HSD17B4: variants seen among roughly 807,000 people sequenced by gnomAD.
The protein encoded by HSD17B4 is peroxisomal multifunctional enzyme type 2.
A neutral mutation model predicts 101.0 loss-of-function variants in HSD17B4; 70 were observed. That is an observed-to-expected ratio of 0.69 (90% CI 0.57 to 0.85). The LOEUF (loss-of-function observed/expected upper bound fraction) is 0.85, where lower values mean the gene tolerates loss of function less well. Ranked by LOEUF, HSD17B4 falls within the 40% of genes least tolerant of loss-of-function variation. The pLI, the probability that HSD17B4 is intolerant of heterozygous loss-of-function variation, is 0.00. For missense variants in HSD17B4, 984 were observed against 892.4 expected (o/e 1.10, Z -1.31); for synonymous variants, 347 against 297.1 (o/e 1.17, Z -1.73).
chr5:119,452,677 A>G (rs1195729092), intron 1 of HSD17B4, 44 bp downstream of exon 1: 2 of 1,612,482 alleles, frequency 1.2e-6, no homozygotes, highest in Non-Finnish European at 8.5e-7. Context: ...GCTGAGGCGC[A>G]GCTGGCTGCT....
chr5:119,460,646 G>A (rs541951476), intron 2 of HSD17B4, among the ~76,000 whole-genome samples: 31 of 152,248 alleles, frequency 2.0e-4, no homozygotes, highest in African/African-American at 4.8e-4. Flanking sequence ...TTTATTAAGC[G>A]TCTATTATGT....
At chr5:119,482,745 A>T (rs1017845527) in intron 8 of HSD17B4, among the ~76,000 whole-genome samples, 1 of 151,960 alleles carries the variant, frequency 6.6e-6, no homozygotes, top group African/African-American at 2.4e-5. Context: ...TGTATCTTGC[A>T]GCTCTCACTT....
In HSD17B4 at chr5:119,452,785, G is replaced by T. The variant is rs755416119; in HGVS notation, c.58+152G>T. 4 of 1,549,592 alleles carry T rather than the reference G, an allele frequency of 2.6e-6. No individual in the cohort carries two copies. The Admixed American group carries it at 7.8e-5, about 30-fold the overall frequency. On this transcript the variant is annotated intron_variant, in intron 1 of 23. Coordinates refer to ENST00000510025, the MANE Select transcript of HSD17B4 (RefSeq NM_000414.4). ...ATTCTTGAGGCACCGCATCTCTTGA[G>T]GAGGAAAGAGCCGGAAACACCTGGT... is the stretch of plus-strand genomic sequence containing the variant.
At chr5:119,506,646 GTTC>G (rs1326028492) in intron 14 of HSD17B4, among the ~76,000 whole-genome samples, 169 bp from the exon 15 acceptor site, 12 of 152,184 alleles carry the variant, frequency 7.9e-5, no homozygotes, top group African/African-American at 2.9e-4. Context: ...GTGTAAAAGC[GTTC>G]TTATTTCTCC....
In HSD17B4 at chr5:119,502,079, A is replaced by G. The variant is rs760174390; in HGVS notation, c.1248A>G (p.Pro416=). 2 of 1,602,288 alleles carry G rather than the reference A, an allele frequency of 1.2e-6. No individual in the cohort carries two copies. The highest frequency in any genetic ancestry group is 1.7e-6 in the Non-Finnish European group (2 of 1,169,458). Residue 416 remains proline, a synonymous_variant, in exon 14 of 24, where the codon CCA becomes CCG. Coordinates refer to ENST00000510025, the MANE Select transcript of HSD17B4 (RefSeq NM_000414.4). ...HGEQYLELYK[P]LPRAGKLKCE... ...AGCAGTACTTAGAGTTATATAAACC[A>G]CTTCCCAGAGCAGGTGAGTTATTGA...
chr5:119,476,637 T>C, intron 6 of HSD17B4: 1 of 985,092 alleles, frequency 1.0e-6, no homozygotes, highest in Non-Finnish European at 1.2e-6. Flanking sequence ...TTGTAACAAC[T>C]GGGGTAAAAA....
At chr5:119,499,147 T>C (rs1432781608) in intron 12 of HSD17B4, among the ~76,000 whole-genome samples, 170 bp from the exon 13 acceptor site, 2 of 152,182 alleles carry the variant, frequency 1.3e-5, no homozygotes, top group African/African-American at 2.4e-5. Context: ...TTTCTACACA[T>C]TACCTAATTA....
At chr5:119,490,673 ATTC>A (rs1214563565) in intron 9 of HSD17B4, among the ~76,000 whole-genome samples, 11 of 152,028 alleles carry the variant, frequency 7.2e-5, no homozygotes, top group Non-Finnish European at 1.6e-4. Context: ...GACTCAAGTG[ATTC>A]TCCTGCCTTA....
intron 2 of HSD17B4, among the ~76,000 whole-genome samples, chr5:119,465,074 G>A (rs1175302145): frequency 6.6e-6 from 1 of 151,470 alleles, no homozygotes; most frequent in Non-Finnish European, 1.5e-5. Context: ...GTTGTCTAGT[G>A]GCTAGGAACA....
intron 12 of HSD17B4, among the ~76,000 whole-genome samples, 167 bp from the exon 13 acceptor site, chr5:119,499,150 C>T (rs1750918773): frequency 6.6e-6 from 1 of 152,080 alleles, no homozygotes; most frequent in South Asian, 2.1e-4. Flanking sequence ...CTACACATTA[C>T]CTAATTAGTT....
chr5:119,469,417 C>T (rs540443915), intron 2 of HSD17B4, among the ~76,000 whole-genome samples: 17 of 152,150 alleles, frequency 1.1e-4, no homozygotes, highest in East Asian at 9.7e-4. Context: ...TACAGTGGCG[C>T]GGTCTCGGCT....
At chr5:119,525,713 G>GTTTTTTTTTTTTTTTTTT in intron 18 of HSD17B4, 1 of 484,020 alleles carries the variant, frequency 2.1e-6, no homozygotes, top group Non-Finnish European at 3.7e-6. Flanking sequence ...TTCCTGTTTT[G>GTTTTTTTTTTTTTTTTTT]TTTTTTTTTT....
chr5:119,490,540 CT>C (rs1289928067), intron 9 of HSD17B4, among the ~76,000 whole-genome samples: 1 of 151,894 alleles, frequency 6.6e-6, no homozygotes, highest in African/African-American at 2.4e-5. Context: ...TCCTTCCAGT[CT>C]TTTATTAGAT....
intron 6 of HSD17B4, 92 bp from the exon 7 acceptor site, chr5:119,477,325 C>A: frequency 2.3e-6 from 2 of 887,492 alleles, no homozygotes; most frequent in Non-Finnish European, 3.6e-6. Flanking sequence ...ATAAAATGAA[C>A]ATCTTTGTAT....
intron 17 of HSD17B4, 133 bp downstream of exon 17, chr5:119,515,179 TAC>T (rs1378390071): frequency 3.1e-6 from 2 of 641,982 alleles, no homozygotes; most frequent in Non-Finnish European, 2.9e-6. Context: ...ATAATAAACA[TAC>T]AGACATGTTT....
chr5:119,480,023 T>A (rs1748973828), intron 8 of HSD17B4, among the ~76,000 whole-genome samples: 1 of 152,126 alleles, frequency 6.6e-6, no homozygotes, highest in Non-Finnish European at 1.5e-5. Flanking sequence ...GTATTTTGGA[T>A]TTTAGGTTTT....
At position 119,525,270 on chromosome 5, in the gene HSD17B4, T is replaced by G; in HGVS notation, c.1558T>G (p.Phe520Val). The change falls in exon 18 of 24, where the codon TTT becomes GTT. Residue 520 changes from phenylalanine (F) to valine (V), a missense_variant. Phe to Val is a conservative substitution (Grantham distance 50, BLOSUM62 -1). Transcript: ENST00000510025. ...GAATCCCTTACACATTGATCCTAAC[T>G]TTGCTAGTCTAGCAGGTGAGTTGTC... ...DWNPLHIDPNFASLAGFDKPI... is the reference protein window; with the variant it reads ...DWNPLHIDPNVASLAGFDKPI... 6.2e-7 allele frequency: 1 copy of G among 1,609,788 alleles called. No individual in the cohort carries two copies. The highest frequency in any genetic ancestry group is 8.5e-7 in the Non-Finnish European group (1 of 1,176,332).
intron 2 of HSD17B4, among the ~76,000 whole-genome samples, chr5:119,460,127 G>A (rs907699354): frequency 4.7e-5 from 7 of 150,176 alleles, no homozygotes; most frequent in East Asian, 4.0e-4. Flanking sequence ...CGCCCGCCTC[G>A]GCCTCCCAAA....
At chr5:119,489,161 T>G (rs1266155269) in intron 8 of HSD17B4, 31 bp from the exon 9 acceptor site, 1 of 1,352,124 alleles carries the variant, frequency 7.4e-7, no homozygotes, top group South Asian at 1.2e-5. Context: ...GTAAAATGAT[T>G]GATAAGATAT....
Sources: allele counts gnomAD v4.1 joint callset (sites outside exome capture counted in the v4.1 genomes callset), GRCh38; gene constraint gnomAD v4.1.1; transcripts MANE v1.5; gene names NCBI Gene and HGNC (gene_info 2026-07-23, HGNC 2026-07-21).